Variants in CACNA1I observed in about 807,000 individuals in gnomAD.
CACNA1I encodes voltage-dependent T-type calcium channel subunit alpha-1I.
CACNA1I carries 74 observed loss-of-function variants against 201.6 expected under a neutral mutation model. The observed-to-expected ratio is 0.37, with a 90% CI of 0.30 to 0.45. The LOEUF is 0.45. Ranked by LOEUF, CACNA1I falls within the 20% of genes least tolerant of loss-of-function variation. CACNA1I has a pLI of 1.00. For missense variants in CACNA1I, 2,346 were observed against 3,138.1 expected (o/e 0.75, Z 6.03); for synonymous variants, 1,431 against 1,345.2 (o/e 1.06, Z -1.40).
intron 19 of CACNA1I, 63 bp from the exon 20 acceptor site, chr22:39,664,028 G>T (rs1468099208): frequency 6.4e-7 from 1 of 1,558,446 alleles, no homozygotes; most frequent in Non-Finnish European, 8.8e-7. Flanking sequence ...CAAAGCAGCG[G>T]CTGGCCAGTG....
chr22:39,656,801 C>T, intron 10 of CACNA1I: 2 of 518,590 alleles, frequency 3.9e-6, no homozygotes, highest in South Asian at 1.4e-5. Context: ...TCCCAGTTTC[C>T]CTAGCCTCAG....
intron 1 of CACNA1I, among the ~76,000 whole-genome samples, chr22:39,581,081 G>A (rs904133521): frequency 2.0e-5 from 3 of 152,256 alleles, no homozygotes; most frequent in African/African-American, 7.2e-5. Flanking sequence ...GCCTAGGCTG[G>A]GTAGAGGGAA....
chr22:39,657,647 C>T (rs1207440941), intron 10 of CACNA1I, among the ~76,000 whole-genome samples: 1 of 152,218 alleles, frequency 6.6e-6, no homozygotes, highest in Non-Finnish European at 1.5e-5. Context: ...CCTGTGAACC[C>T]GTGTCCTTGC....
In CACNA1I at chr22:39,672,165, G is replaced by A. The variant is rs578144430; in HGVS notation, c.4540-34G>A. ...AGGAAGGTTGTGGAGCAGGTCATGT[G>A]CCCTGGATCATGCTTCTCTTTGTTC... is the stretch of plus-strand genomic sequence containing the variant. On this transcript the variant is annotated intron_variant, in intron 26 of 36. Coordinates refer to ENST00000402142, the MANE Select transcript of CACNA1I (RefSeq NM_021096.4). 8 of 1,417,738 alleles carry A rather than the reference G, an allele frequency of 5.6e-6. No individual in the cohort carries two copies. The African/African-American group carries it at 7.0e-5, about 12-fold the overall frequency. The allele number at this position is 1,417,738 out of a possible 1,614,324, so 87.8% of individuals were successfully genotyped here.
intron 10 of CACNA1I, among the ~76,000 whole-genome samples, 173 bp downstream of exon 10, chr22:39,650,098 C>G (rs977860623): frequency 1.3e-5 from 2 of 151,852 alleles, no homozygotes; most frequent in Admixed American, 6.6e-5. Context: ...CAGCCAGGGC[C>G]GAGCTCAGAG....
At position 39,640,871 on chromosome 22, in the gene CACNA1I, G is replaced by A; in HGVS notation, c.745G>A (p.Gly249Arg). The A allele has an allele frequency of 1.2e-6, 2 of 1,611,606 alleles. No homozygotes were observed. The highest frequency in any genetic ancestry group is 1.7e-5 in the Admixed American group (1 of 59,708). ...CCCACCCTCGCCTGTGGACAGACAA[G>A]GGGATGTGGCCTTGCCCCCATACTA... ...CFLEENFTIQ[G>R]DVALPPYYQP... The change falls in exon 6 of 37, where the codon GGG becomes AGG. Residue 249 changes from glycine to arginine, a missense_variant. By Grantham distance (125) the Gly-to-Arg change is moderately radical. Transcript: ENST00000402142.
Position 39,649,503 on chromosome 22 carries a change from C to T in CACNA1I, c.1570C>T (p.Leu524=). 1 of 1,563,366 alleles carries T rather than the reference C, an allele frequency of 6.4e-7. No homozygotes were observed. Among genetic ancestry groups the T allele is most frequent in the Non-Finnish European group, 8.7e-7 (1 of 1,154,370 alleles). ...TGCCCCTCTCATTTGCTTTTCAGAG[C>T]TGTGCCCGCAACATAGCCCCCTGGA... is the stretch of plus-strand genomic sequence containing the variant. ...SPGNDHSGRE[L]CPQHSPLDAT... is the part of the protein sequence containing the mutation. Residue 524 remains leucine (L), a splice_region_variant and synonymous_variant, in exon 10 of 37, where the codon CTG becomes TTG. Coordinates refer to ENST00000402142, the MANE Select transcript of CACNA1I (RefSeq NM_021096.4). This position sits in a 1 kb window ranked among gnomAD's most constrained non-coding sequence, Gnocchi z 7.3.
intron 5 of CACNA1I, among the ~76,000 whole-genome samples, chr22:39,636,210 C>T (rs1241987971): frequency 6.6e-6 from 1 of 152,226 alleles, no homozygotes; most frequent in Non-Finnish European, 1.5e-5. Flanking sequence ...CTGATGTCTC[C>T]TCCTCTGTGG....
chr22:39,608,433 T>C (rs1241802671), intron 3 of CACNA1I, among the ~76,000 whole-genome samples: 2 of 152,024 alleles, frequency 1.3e-5, no homozygotes, highest in African/African-American at 4.8e-5. Context: ...AGAGCCCATT[T>C]CTTTAAAACA....
In CACNA1I at chr22:39,677,318, C is replaced by A; in HGVS notation, c.4855-23C>A. ...CCCCCACCCGCTCCCCAGCCCCACC[C>A]GGCCTCACCTGTCCTCCCGCAGGTG... On this transcript the variant is annotated intron_variant, in intron 29 of 36. Transcript: ENST00000402142. This position sits in a 1 kb window ranked among gnomAD's most constrained non-coding sequence, Gnocchi z 4.8. 1 of 1,551,316 alleles carries A rather than the reference C, an allele frequency of 6.4e-7. No homozygotes were observed.
chr22:39,640,662 A>G (rs979144225), intron 5 of CACNA1I, among the ~76,000 whole-genome samples: 1 of 152,174 alleles, frequency 6.6e-6, no homozygotes, highest in Non-Finnish European at 1.5e-5. Flanking sequence ...GGCTCCCCAG[A>G]GAAGGGGACC....
chr22:39,660,569 T>C (rs1261640459), intron 15 of CACNA1I, 132 bp downstream of exon 15: 1 of 592,890 alleles, frequency 1.7e-6, no homozygotes, highest in African/African-American at 1.9e-5. Context: ...GGTTTGTTGT[T>C]TACGTTCATA....
intron 1 of CACNA1I, among the ~76,000 whole-genome samples, chr22:39,572,291 C>T (rs1002598263): frequency 6.6e-6 from 1 of 151,902 alleles, no homozygotes; most frequent in Non-Finnish European, 1.5e-5. Flanking sequence ...GTTTGAGGGT[C>T]CCACCAAAAA....
intron 1 of CACNA1I, among the ~76,000 whole-genome samples, chr22:39,577,969 G>A (rs1300603760): frequency 1.3e-5 from 2 of 152,368 alleles, no homozygotes; most frequent in East Asian, 3.9e-4. Flanking sequence ...GGGATCCAAT[G>A]AGAATTCTGG....
At chr22:39,626,366 T>C (rs1933900754) in intron 4 of CACNA1I, among the ~76,000 whole-genome samples, 1 of 152,154 alleles carries the variant, frequency 6.6e-6, no homozygotes, top group South Asian at 2.1e-4. Context: ...CTGGGAGTAG[T>C]GAGGGTGGAC....
intron 33 of CACNA1I, 40 bp from the exon 34 acceptor site, chr22:39,680,890 C>A: frequency 1.3e-6 from 2 of 1,589,918 alleles, no homozygotes; most frequent in Non-Finnish European, 8.5e-7. Flanking sequence ...TCTGCCCATC[C>A]CAAACCTGGG....
At chr22:39,643,185 C>T (rs993523497) in intron 7 of CACNA1I, among the ~76,000 whole-genome samples, 6 of 152,222 alleles carry the variant, frequency 3.9e-5, no homozygotes, top group African/African-American at 1.4e-4. Context: ...CTCTGGGCTA[C>T]ATTCTTTGCA....
In CACNA1I at chr22:39,570,856, C is replaced by T. The variant is rs372403873; in HGVS notation, c.104C>T (p.Pro35Leu). ...GGACCCCGGAGCCCCCCATCCTCCCCGCCAGGCCTGGAGGAGCCTCTGGAT... is the reference window on the plus strand; with the variant it reads ...GGACCCCGGAGCCCCCCATCCTCCCTGCCAGGCCTGGAGGAGCCTCTGGAT... Reference protein sequence around the residue: ...QPGPRSPPSSPPGLEEPLDGA... With the variant: ...QPGPRSPPSSLPGLEEPLDGA... Residue 35 changes from proline to leucine, a missense_variant, in exon 1 of 37, where the codon CCG (proline) becomes CTG (leucine). Around this residue, in one of 13 missense-constraint regions of CACNA1I, gnomAD observed 130 missense variants for 160.7 expected, o/e 0.81. Transcript: ENST00000402142. 103 of 1,613,354 alleles carry T rather than the reference C, an allele frequency of 6.4e-5. No homozygotes were observed. The Middle Eastern group carries it at 8.2e-4, about 13-fold the overall frequency.
Position 39,665,813 on chromosome 22 carries a change from A to G in CACNA1I, c.3979-68A>G. 6.2e-7 allele frequency: 1 copy of G among 1,604,164 alleles called. No homozygotes were observed. The highest frequency in any genetic ancestry group is 8.5e-7 in the Non-Finnish European group (1 of 1,172,134). On this transcript the variant is annotated intron_variant, in intron 22 of 36. Transcript: ENST00000402142. This position sits in a 1 kb window ranked among gnomAD's most constrained non-coding sequence, Gnocchi z 5.5. ...AAGACAGTCTGAGTAAACGCGATCG[A>G]GAGGCGAGTTCCTCTCTGACTTGCA...
Sources: allele counts gnomAD v4.1 joint callset (sites outside exome capture counted in the v4.1 genomes callset), GRCh38; gene constraint gnomAD v4.1.1; regional missense constraint gnomAD v4.1.1; non-coding constraint Gnocchi (gnomAD v3.1); transcripts MANE v1.5; gene names NCBI Gene and HGNC (gene_info 2026-07-23, HGNC 2026-07-21).